The following SAMD12 variants were observed in gnomAD, a reference collection of about 807,000 sequenced individuals.
The protein encoded by SAMD12 is sterile alpha motif domain-containing protein 12.
A neutral mutation model predicts 15.0 loss-of-function variants in SAMD12; 9 were observed. That is an observed-to-expected ratio of 0.60 (90% CI 0.36 to 1.05). The LOEUF is 1.05. SAMD12 is among the 50% of genes least tolerant of loss of function. SAMD12 has a pLI of 0.01. For synonymous variants in SAMD12, 86 were observed against 90.1 expected, an observed-to-expected ratio of 0.96 and a Z score of 0.25; for missense variants, 230 against 234.2, an observed-to-expected ratio of 0.98 and a Z score of 0.12.
intron 4 of SAMD12, among the ~76,000 whole-genome samples, chr8:118,254,085 A>C (rs1413148678): frequency 6.6e-6 from 1 of 152,156 alleles, no homozygotes; most frequent in Non-Finnish European, 1.5e-5. Context: ...AGGCTCCTTC[A>C]AGCAAAGCAG....
At chr8:118,365,411 G>T (rs1362477500) in intron 4 of SAMD12, among the ~76,000 whole-genome samples, 2 of 152,138 alleles carry the variant, frequency 1.3e-5, no homozygotes, top group East Asian at 3.9e-4. Context: ...CATGTAGGTG[G>T]AATTGTCCTG....
chr8:118,499,105 C>T (rs1323696241), intron 2 of SAMD12, among the ~76,000 whole-genome samples: 2 of 152,188 alleles, frequency 1.3e-5, no homozygotes, highest in African/African-American at 4.8e-5. Flanking sequence ...CACTACATGT[C>T]CAGTATAGAG....
chr8:118,435,392 C>T (rs1822551386), intron 3 of SAMD12, among the ~76,000 whole-genome samples: 1 of 152,054 alleles, frequency 6.6e-6, no homozygotes, highest in Admixed American at 6.6e-5. Context: ...TATGTATACA[C>T]TATATAAATA....
the SAMD12 span, among the ~76,000 whole-genome samples, chr8:118,162,707 C>A: frequency 6.6e-6 from 1 of 152,036 alleles, no homozygotes; most frequent in Non-Finnish European, 1.5e-5. Context: ...AAAGGGAAAT[C>A]GAACTGTGTG....
At chr8:118,194,440 C>T (rs186370152) in exon 5 of SAMD12, 24 of 152,272 alleles carry the variant, frequency 1.6e-4, no homozygotes, top group Admixed American at 1.4e-3. Flanking sequence ...GCTTTTCACA[C>T]TAGCAGGACT....
intron 2 of SAMD12, among the ~76,000 whole-genome samples, chr8:118,566,863 G>A (rs1197926255): frequency 1.3e-5 from 2 of 152,130 alleles, no homozygotes; most frequent in Non-Finnish European, 2.9e-5. Flanking sequence ...AAATGTCTGG[G>A]TTTCTCCACT....
intron 4 of SAMD12, among the ~76,000 whole-genome samples, chr8:118,317,377 A>C: frequency 6.6e-6 from 1 of 152,210 alleles, no homozygotes; most frequent in East Asian, 1.9e-4. Flanking sequence ...CCAAACTGGA[A>C]ACTACTTAAA....
intron 2 of SAMD12, among the ~76,000 whole-genome samples, chr8:118,518,036 G>C (rs917566557): frequency 5.3e-5 from 8 of 152,172 alleles, no homozygotes; most frequent in African/African-American, 1.9e-4. Flanking sequence ...CCAGGAAAAA[G>C]GGGTAATTAT....
intron 3 of SAMD12, among the ~76,000 whole-genome samples, chr8:118,407,960 G>A (rs1482018938): frequency 2.0e-5 from 3 of 152,018 alleles, no homozygotes; most frequent in Non-Finnish European, 4.4e-5. Flanking sequence ...TCTGGACTTC[G>A]TTCTCACTGT....
intron 4 of SAMD12, among the ~76,000 whole-genome samples, chr8:118,204,956 G>A (rs2129790514): frequency 6.6e-6 from 1 of 152,302 alleles, no homozygotes; most frequent in East Asian, 1.9e-4. Context: ...GCCACTGGGT[G>A]TCCAGATATT....
chr8:118,543,631 C>CTTT (rs397978436), intron 2 of SAMD12, among the ~76,000 whole-genome samples: 18 of 116,624 alleles, frequency 1.5e-4, no homozygotes, highest in Non-Finnish European at 2.2e-4. Flanking sequence ...TTCTTTCTTT[C>CTTT]TTTTTTTTTT....
intron 4 of SAMD12, among the ~76,000 whole-genome samples, chr8:118,356,019 T>G (rs79668031): frequency 0.017 from 2,595 of 152,338 alleles, 70 homozygotes; most frequent in African/African-American, 0.059. Context: ...AATACATTCT[T>G]CATCCTTACA....
chr8:118,297,066 TATTA>T (rs1164226473), intron 4 of SAMD12, among the ~76,000 whole-genome samples: 5 of 152,214 alleles, frequency 3.3e-5, no homozygotes, highest in African/African-American at 1.2e-4. Context: ...GATAGACAAC[TATTA>T]ATTAATATAG....
chr8:118,600,215 T>C (rs577701892), intron 1 of SAMD12, among the ~76,000 whole-genome samples: 2 of 152,074 alleles, frequency 1.3e-5, no homozygotes, highest in Non-Finnish European at 2.9e-5. Context: ...AGCAAAAATG[T>C]TGTTTCCAAA....
chr8:118,171,180 T>A, the SAMD12 span, among the ~76,000 whole-genome samples: 1 of 152,160 alleles, frequency 6.6e-6, no homozygotes, highest in African/African-American at 2.4e-5. Context: ...ATGACAAATG[T>A]TGGTGAGGAT....
At chr8:118,148,893 A>G in the SAMD12 span, among the ~76,000 whole-genome samples, 1 of 152,190 alleles carries the variant, frequency 6.6e-6, no homozygotes, top group East Asian at 1.9e-4. Flanking sequence ...TAGTAGTTCT[A>G]TTGTACGGTT....
chr8:118,133,885 T>C, the SAMD12 span, among the ~76,000 whole-genome samples: 6 of 152,308 alleles, frequency 3.9e-5, no homozygotes, highest in African/African-American at 1.4e-4. Context: ...GTCCCTCTCC[T>C]CTCCAAATTA....
intron 3 of SAMD12, among the ~76,000 whole-genome samples, chr8:118,403,480 C>T (rs1820970879): frequency 6.6e-6 from 1 of 151,832 alleles, no homozygotes; most frequent in Non-Finnish European, 1.5e-5. Flanking sequence ...GGAACATTAT[C>T]TTAAGCTCCT....
intron 4 of SAMD12, among the ~76,000 whole-genome samples, chr8:118,235,024 T>A (rs1006675155): frequency 6.6e-6 from 1 of 152,126 alleles, no homozygotes; most frequent in Non-Finnish European, 1.5e-5. Context: ...TTAGAATTTT[T>A]ATCCACTTCT....
Sources: allele counts gnomAD v4.1 joint callset (sites outside exome capture counted in the v4.1 genomes callset), GRCh38; gene constraint gnomAD v4.1.1; transcripts MANE v1.5; gene names NCBI Gene and HGNC (gene_info 2026-07-23, HGNC 2026-07-21).